The following FLT4 variants were observed in gnomAD, a reference collection of about 807,000 sequenced individuals.
FLT4 encodes the protein vascular endothelial growth factor receptor 3.
FLT4 carries 30 observed loss-of-function variants against 163.2 expected under a neutral mutation model. The observed-to-expected ratio is 0.18, with a 90% CI of 0.14 to 0.25. The LOEUF is 0.25. FLT4 is among the 10% of genes least tolerant of loss of function. FLT4 has a pLI of 1.00. For synonymous variants in FLT4, 884 were observed against 789.5 expected, an observed-to-expected ratio of 1.12 and a Z score of -2.01; for missense variants, 1,510 against 1,863.8, an observed-to-expected ratio of 0.81 and a Z score of 3.50.
Position 180,621,214 on chromosome 5 carries a change from G to A in FLT4, c.2059C>T (p.Leu687Phe), listed in dbSNP as rs139399208. The A allele has an allele frequency of 2.5e-6, 4 of 1,612,688 alleles. No individual in the cohort carries two copies. Among genetic ancestry groups the A allele is most frequent in the African/African-American group, 2.7e-5 (2 of 74,940 alleles). The change falls in exon 14 of 30, where the codon CTC (leucine) becomes TTC (phenylalanine). Residue 687 changes from leucine (L) to phenylalanine (F), a missense_variant. Physicochemically the swap from Leu to Phe is conservative, Grantham distance 22 (BLOSUM62 0). Coordinates refer to ENST00000261937, the MANE Select transcript of FLT4 (RefSeq NM_182925.5). ...APRLTQNLTD[L>F]LVNVSDSLEM... ...AGCGAGTCGCTCACGTTCACCAGGA[G>A]GTCGGTCAAGTTCTGCGTGAGCCGA... is the stretch of plus-strand genomic sequence containing the variant.
chr5:180,634,698 A>C (rs1217182196), intron 1 of FLT4, among the ~76,000 whole-genome samples: 39 of 144,600 alleles, frequency 2.7e-4, no homozygotes, highest in African/African-American at 7.5e-4. Context: ...CCGTCTCAAA[A>C]AAAAAAAAAA....
chr5:180,649,583 C>A lies in FLT4; in HGVS notation c.-38G>T. The A allele has an allele frequency of 1.5e-6, 2 of 1,312,866 alleles. No homozygotes were observed. Among genetic ancestry groups the A allele is most frequent in the South Asian group, 3.6e-5 (2 of 56,084 alleles). 81.3% of individuals were successfully genotyped at this position (1,312,866 alleles called of 1,614,324 possible). On this transcript the variant is annotated 5_prime_UTR_variant, in exon 1 of 30. Transcript: ENST00000261937. The stretch of plus-strand genomic sequence containing the variant: ...CGCGTGGGTCCGACCCGAGCGGCCG[C>A]GGCTCGGGGCTGAAAGTGTCCGCGC...
Position 180,624,010 on chromosome 5 carries a change from C to T in FLT4, c.1473G>A (p.Ala491=), listed in dbSNP as rs181584754. The change falls in exon 11 of 30, where the codon GCG becomes GCA. Residue 491 remains alanine (A), a synonymous_variant. Transcript: ENST00000261937. ...DLMPQCRDWR[A]VTTQDAVNPI... ...GGTTCACGGCATCCTGCGTGGTCAC[C>T]GCCCTCCAGTCACGGCACTGTGGCA... The T allele has an allele frequency of 4.5e-5, 73 of 1,613,410 alleles. No individual in the cohort carries two copies. The East Asian group carries it at 1.2e-3, about 27-fold the overall frequency.
At chr5:180,618,730 C>T in intron 21 of FLT4, 40 bp downstream of exon 21, 3 of 1,566,698 alleles carry the variant, frequency 1.9e-6, no homozygotes, top group Non-Finnish European at 2.6e-6. Context: ...ATAACCGGGC[C>T]CGTCAGGCAC....
rs1034050820 is a variant in FLT4, at chr5:180,608,006, A to G, written c.3893+962T>C. 7.4e-6 allele frequency: 5 copies of G among 676,628 alleles called. No homozygotes were observed. The African/African-American group carries it at 8.9e-5, about 12-fold the overall frequency. The allele number at this position is 676,628 out of a possible 1,614,324, so 41.9% of individuals were successfully genotyped here. On this transcript the variant is annotated intron_variant, in intron 29 of 29. Coordinates refer to ENST00000261937, the MANE Select transcript of FLT4 (RefSeq NM_182925.5). ...AAGGGCGTCTCCCTTTCCTTGGAGG[A>G]GTCAGGGAACACTCTGCTCCACCAG...
intron 13 of FLT4, 21 bp from the exon 14 acceptor site, chr5:180,621,273 G>A (rs773999216): frequency 3.1e-6 from 5 of 1,607,460 alleles, no homozygotes; most frequent in African/African-American, 1.3e-5. Flanking sequence ...GGGTCGAGAG[G>A]GAGCTAAGTG....
At chr5:180,634,510 G>A (rs1764404142) in intron 1 of FLT4, among the ~76,000 whole-genome samples, 1 of 151,934 alleles carries the variant, frequency 6.6e-6, no homozygotes, top group Non-Finnish European at 1.5e-5. Context: ...AGACCATCCT[G>A]GCTAACACGG....
At position 180,619,104 on chromosome 5, in the gene FLT4, G is replaced by A. The variant is rs779946440; in HGVS notation, c.2767C>T (p.Leu923Phe). 78 of 1,529,462 alleles carry A rather than the reference G, an allele frequency of 5.1e-5. 2 individuals carry two copies. The South Asian group carries it at 9.3e-4, about 18-fold the overall frequency. The allele number at this position is 1,529,462 out of a possible 1,614,324, so 94.7% of individuals were successfully genotyped here. Residue 923 changes from leucine (L) to phenylalanine (F), a missense_variant, in exon 20 of 30, where the codon CTC becomes TTC. Coordinates refer to ENST00000261937, the MANE Select transcript of FLT4 (RefSeq NM_182925.5). ...LGACTKPQGP[L>F]MVIVEFCKYG... is the part of the protein sequence containing the mutation. ...TTGCAGAACTCCACGATCACCATGA[G>A]GGGGCCTGCGGCGGGACCGGGCGGC...
chr5:180,618,859 C>T lies in FLT4; in HGVS notation c.2912G>A (p.Arg971Gln), dbSNP rs761685785. The T allele has an allele frequency of 1.3e-5, 20 of 1,582,598 alleles. No individual in the cohort carries two copies. Among genetic ancestry groups the T allele is most frequent in the South Asian group, 6.9e-5 (6 of 86,806 alleles). The stretch of plus-strand genomic sequence containing the variant: ...CCTGTCGCTGCTCCCCGGCCGCCTC[C>T]GATCCAGCCTGGCGAGCTCCACCAT... ...RAMVELARLD[R>Q]RRPGSSDRVL... The change falls in exon 21 of 30, where the codon CGG becomes CAG. Residue 971 changes from arginine (R) to glutamine (Q), a missense_variant. Arg to Gln is a conservative substitution (Grantham distance 43). Coordinates refer to ENST00000261937, the MANE Select transcript of FLT4 (RefSeq NM_182925.5).
At chr5:180,627,505 A>C (rs888094786) in intron 8 of FLT4, among the ~76,000 whole-genome samples, 3 of 152,164 alleles carry the variant, frequency 2.0e-5, no homozygotes, top group Admixed American at 6.5e-5. Flanking sequence ...CGTGCTGGAC[A>C]CACTGCGGGT....
intron 12 of FLT4, among the ~76,000 whole-genome samples, chr5:180,622,109 C>T (rs1170460795): frequency 6.6e-6 from 1 of 152,048 alleles, no homozygotes; most frequent in East Asian, 1.9e-4. Context: ...CTCATTCTCT[C>T]TTGAAGCTTG....
At chr5:180,627,123 C>T (rs1172160942) in intron 8 of FLT4, among the ~76,000 whole-genome samples, 2 of 152,216 alleles carry the variant, frequency 1.3e-5, no homozygotes, top group Non-Finnish European at 2.9e-5. Context: ...AGGCACCTGT[C>T]TCTGTGGCCT....
chr5:180,642,214 A>G (rs1765185797), intron 1 of FLT4, among the ~76,000 whole-genome samples: 2 of 151,684 alleles, frequency 1.3e-5, no homozygotes, highest in African/African-American at 4.8e-5. Flanking sequence ...GTGAAAAAAA[A>G]AAAAAAAAGA....
intron 8 of FLT4, 25 bp from the exon 9 acceptor site, chr5:180,626,290 C>G (rs915616788): frequency 1.2e-6 from 2 of 1,609,166 alleles, no homozygotes; most frequent in Non-Finnish European, 1.7e-6. Context: ...GAGGTCAGGG[C>G]CCATACAGAT....
chr5:180,613,433 C>T, intron 24 of FLT4: 1 of 344,876 alleles, frequency 2.9e-6, no homozygotes, highest in South Asian at 6.0e-5. Flanking sequence ...CGCCTGCAGG[C>T]AGTTTCAACA....
rs1159831646 is a variant in FLT4 at position 180,613,048 on chromosome 5, T to C, written c.3394A>G (p.Thr1132Ala). 1 of 1,613,664 alleles carries C rather than the reference T, an allele frequency of 6.2e-7. No homozygotes were observed. The highest frequency in any genetic ancestry group is 1.7e-5 in the Admixed American group (1 of 59,982). ...GCCAGCTCCGGGGCCCTCATCCTTGTGCCGTCTCTCAGCCGCTGGCAGAAC... is the reference window on the plus strand; with the variant it reads ...GCCAGCTCCGGGGCCCTCATCCTTGCGCCGTCTCTCAGCCGCTGGCAGAAC... ...EEFCQRLRDGTRMRAPELATP... is the reference protein window; with the variant it reads ...EEFCQRLRDGARMRAPELATP... The change falls in exon 25 of 30, where the codon ACA becomes GCA. Residue 1132 changes from threonine to alanine, a missense_variant. This residue lies in a region of FLT4 where 17 missense variants were observed against 76.2 expected (regional missense o/e 0.22). Coordinates refer to ENST00000261937, the MANE Select transcript of FLT4 (RefSeq NM_182925.5).
intron 27 of FLT4, among the ~76,000 whole-genome samples, 189 bp downstream of exon 27, chr5:180,611,142 G>A (rs74332072): frequency 0.013 from 2,008 of 152,310 alleles, 47 homozygotes; most frequent in African/African-American, 0.044. Context: ...AAACAAGCAC[G>A]CAGCCAGGCC....
intron 28 of FLT4, chr5:180,609,461 G>A (rs55954529): frequency 4.4e-4 from 165 of 377,926 alleles, no homozygotes; most frequent in Non-Finnish European, 8.0e-4. Flanking sequence ...GTGGCTTGGT[G>A]TGGTTTTTAT....
At chr5:180,637,644 T>C (rs1764790019) in intron 1 of FLT4, among the ~76,000 whole-genome samples, 1 of 152,200 alleles carries the variant, frequency 6.6e-6, no homozygotes, top group Non-Finnish European at 1.5e-5. Flanking sequence ...GTGATTCTCC[T>C]GCCTCAACCT....
Sources: allele counts gnomAD v4.1 joint callset (sites outside exome capture counted in the v4.1 genomes callset), GRCh38; gene constraint gnomAD v4.1.1; regional missense constraint gnomAD v4.1.1; transcripts MANE v1.5; gene names NCBI Gene and HGNC (gene_info 2026-07-23, HGNC 2026-07-21).